KIAA1217: variants seen among roughly 807,000 people sequenced by gnomAD.
KIAA1217 encodes sickle tail protein homolog.
KIAA1217 carries 88 observed loss-of-function variants against 163.9 expected under a neutral mutation model. The ratio of observed to expected loss-of-function variants is 0.54; its 90% CI spans 0.45 to 0.64. KIAA1217 has a LOEUF of 0.64. KIAA1217 is among the 30% of genes least tolerant of loss of function. The pLI is 0.00. For synonymous variants in KIAA1217, 903 were observed against 923.1 expected, an observed-to-expected ratio of 0.98 and a Z score of 0.39; for missense variants, 2,372 against 2,475.0, an observed-to-expected ratio of 0.96 and a Z score of 0.88.
chr10:24,340,204 G>A (rs755292012), intron 2 of KIAA1217, among the ~76,000 whole-genome samples: 24 of 152,248 alleles, frequency 1.6e-4, no homozygotes, highest in South Asian at 4.1e-4. Context: ...TTGGTGGTAT[G>A]GCTTGGCCGT....
chr10:23,889,553 G>A (rs1841332798), intron 1 of KIAA1217, among the ~76,000 whole-genome samples: 1 of 151,730 alleles, frequency 6.6e-6, no homozygotes, highest in South Asian at 2.1e-4. Context: ...TCAGTTATTT[G>A]TTTTGCAAAT....
intron 2 of KIAA1217, among the ~76,000 whole-genome samples, chr10:24,256,584 T>G (rs933103): frequency 0.74 from 112,682 of 152,078 alleles, 41,932 homozygotes; most frequent in Admixed American, 0.8. Flanking sequence ...GAAATAGAAT[T>G]AAGGAGAAAT....
In KIAA1217 at chr10:24,546,173, C is replaced by A; in HGVS notation, c.5681C>A (p.Ser1894Tyr). 1 of 1,614,114 alleles carries A rather than the reference C, an allele frequency of 6.2e-7. No individual in the cohort carries two copies. The highest frequency in any genetic ancestry group is 2.2e-5 in the East Asian group (1 of 44,878). ...NGRAPPPLSF[S>Y]SSPPSPASSV... is the part of the protein sequence containing the mutation. ...CGAGCACCCCCTCCTTTGTCATTTT[C>A]CTCCTCCCCTCCTTCTCCTGCCTCC... The change falls in exon 21 of 21, where the codon TCC (serine) becomes TAC (tyrosine). Residue 1894 changes from serine (S) to tyrosine (Y), a missense_variant. By Grantham distance (144) the Ser-to-Tyr change is moderately radical (BLOSUM62 -2). Around this residue, in one of 3 missense-constraint regions of KIAA1217, gnomAD observed 690 missense variants for 677.5 expected, o/e 1.02. Transcript: ENST00000376454.
At chr10:23,880,374 A>C (rs559241186) in intron 1 of KIAA1217, among the ~76,000 whole-genome samples, 2 of 152,096 alleles carry the variant, frequency 1.3e-5, no homozygotes, top group East Asian at 3.9e-4. Context: ...ACCTGTTCTC[A>C]CTTATCTGTG....
At chr10:24,522,924 G>C (rs1333791916) in intron 12 of KIAA1217, among the ~76,000 whole-genome samples, 2 of 151,980 alleles carry the variant, frequency 1.3e-5, no homozygotes, top group Non-Finnish European at 2.9e-5. Flanking sequence ...ACAGTGAGCC[G>C]AGGTTGTGCC....
intron 2 of KIAA1217, among the ~76,000 whole-genome samples, chr10:24,109,738 G>A (rs1427692061): frequency 1.3e-5 from 2 of 152,120 alleles, no homozygotes; most frequent in Non-Finnish European, 2.9e-5. Flanking sequence ...AATGTTTGGG[G>A]GATATAAAAA....
chr10:24,086,431 T>A (rs73604449), intron 2 of KIAA1217, among the ~76,000 whole-genome samples: 12,062 of 152,266 alleles, frequency 0.079, 1,583 homozygotes, highest in African/African-American at 0.27. Flanking sequence ...CCTGATTATT[T>A]CTTATGTCCC....
intron 1 of KIAA1217, among the ~76,000 whole-genome samples, chr10:23,996,440 C>T (rs1846486939): frequency 6.6e-6 from 1 of 152,080 alleles, no homozygotes; most frequent in Admixed American, 6.6e-5. Flanking sequence ...GTTTTTCTTC[C>T]CTAGACAGCA....
rs1835763433 is a variant in KIAA1217 at position 23,790,330 on chromosome 10, T to TATACACATATGCATATGCAC, written c.-321+95099_-321+95100insCACATATGCATATGCACATA. The stretch of plus-strand genomic sequence containing the variant: ...GCATATATACATATGCACATATGCA[T>TATACACATATGCATATGCAC]ATATGCATATATACATATGCATATA... On this transcript the variant is annotated intron_variant, in intron 1 of 18. Coordinates refer to the KIAA1217 transcript ENST00000376462. 2.6e-4 allele frequency among the ~76,000 whole-genome samples: 5 copies of TATACACATATGCATATGCAC among 19,394 alleles called. 1 individual carries two copies. Among genetic ancestry groups the TATACACATATGCATATGCAC allele is most frequent in the East Asian group, 1.6e-3 (2 of 1,242 alleles). The allele number at this position is 19,394 out of a possible 152,430, so 12.7% of individuals were successfully genotyped here. A position where few individuals can be genotyped will look rare whatever the true frequency, so the allele number is the denominator to read the frequency against.
In KIAA1217 at chr10:23,790,357, G is replaced by A. The variant is rs867326746; in HGVS notation, c.-321+95123G>A. ...TATGCATATATACATATGCATATAT[G>A]CATATATACATATACATATGTATAT... On this transcript the variant is annotated intron_variant, in intron 1 of 18. Transcript: ENST00000376462. Among the ~76,000 whole-genome samples, 3 of 81,628 alleles carry A rather than the reference G, an allele frequency of 3.7e-5. 1 individual carries two copies. Among genetic ancestry groups the A allele is most frequent in the African/African-American group, 6.5e-5 (1 of 15,312 alleles). The allele number at this position is 81,628 out of a possible 152,430, so 53.6% of individuals were successfully genotyped here.
chr10:24,411,618 G>A (rs1481550886), intron 3 of KIAA1217, among the ~76,000 whole-genome samples: 1 of 152,136 alleles, frequency 6.6e-6, no homozygotes, highest in Non-Finnish European at 1.5e-5. Flanking sequence ...GTATGCATGT[G>A]TGTGTGTACA....
rs2067060321 is a variant in KIAA1217, at chr10:24,197,790, A to C, written c.-170-21836A>C. On this transcript the variant is annotated intron_variant, in intron 2 of 18. Transcript: ENST00000376462. The stretch of plus-strand genomic sequence containing the variant: ...TCCATTCTCCACACAGATTTATCTC[A>C]AACACAAATCTGATCATGTCCTTAG... 2.0e-5 allele frequency among the ~76,000 whole-genome samples: 3 copies of C among 152,236 alleles called. 1 individual carries two copies. The highest frequency in any genetic ancestry group is 4.8e-5 in the African/African-American group (2 of 41,460).
chr10:24,090,932 A>G (rs1056452034), intron 2 of KIAA1217, among the ~76,000 whole-genome samples: 2 of 151,886 alleles, frequency 1.3e-5, no homozygotes, highest in African/African-American at 4.9e-5. Flanking sequence ...TCACAGCCCA[A>G]CTCACCATCG....
chr10:24,149,343 C>T lies in KIAA1217; in HGVS notation c.-170-70283C>T, dbSNP rs537540464. ...TACAGGTGTTTGCCACCATGCCCGA[C>T]TAATTTTTTTTTGTACTTTTAGTAG... is the stretch of plus-strand genomic sequence containing the variant. On this transcript the variant is annotated intron_variant, in intron 2 of 18. Transcript: ENST00000376462. Among the ~76,000 whole-genome samples, 7 of 152,156 alleles carry T rather than the reference C, an allele frequency of 4.6e-5. No homozygotes were observed. In the South Asian group the frequency reaches 1.5e-3, roughly 32 times the overall value.
intron 2 of KIAA1217, among the ~76,000 whole-genome samples, chr10:24,096,777 A>T (rs1421230051): frequency 6.6e-6 from 1 of 152,034 alleles, no homozygotes; most frequent in Non-Finnish European, 1.5e-5. Flanking sequence ...CAGAGACTAG[A>T]TTTGCTTCCC....
At chr10:23,789,356 A>G (rs1001691378) in intron 1 of KIAA1217, among the ~76,000 whole-genome samples, 1 of 152,156 alleles carries the variant, frequency 6.6e-6, no homozygotes, top group African/African-American at 2.4e-5. Context: ...ATTTGTAAGC[A>G]TTTCCTTTTT....
chr10:23,845,830 G>T (rs1027271162), intron 1 of KIAA1217, among the ~76,000 whole-genome samples: 96 of 152,268 alleles, frequency 6.3e-4, no homozygotes, highest in African/African-American at 2.2e-3. Flanking sequence ...GAATTTTATT[G>T]CCTAGGTTTT....
intron 2 of KIAA1217, among the ~76,000 whole-genome samples, chr10:24,230,502 GTTTTTTTTTTT>G (rs71397936): frequency 2.2e-5 from 2 of 90,640 alleles, no homozygotes; most frequent in South Asian, 4.4e-4. Flanking sequence ...TATTTGTTTT[GTTTTTTTTTTT>G]TTTTTTTTTT....
chr10:24,035,623 A>G (rs1453964912), intron 2 of KIAA1217, among the ~76,000 whole-genome samples: 1 of 152,210 alleles, frequency 6.6e-6, no homozygotes, highest in Non-Finnish European at 1.5e-5. Context: ...GACGCTGCAC[A>G]GTGAGGTGGT....
Sources: allele counts gnomAD v4.1 joint callset (sites outside exome capture counted in the v4.1 genomes callset), GRCh38; gene constraint gnomAD v4.1.1; regional missense constraint gnomAD v4.1.1; transcripts MANE v1.5; gene names NCBI Gene and HGNC (gene_info 2026-07-23, HGNC 2026-07-21).